VPS45: variants seen among roughly 807,000 people sequenced by gnomAD.
VPS45 encodes the protein vacuolar protein sorting-associated protein 45.
In VPS45, 35 loss-of-function variants were observed where a neutral mutation model predicts 75.9. The ratio of observed to expected loss-of-function variants is 0.46; its 90% CI spans 0.35 to 0.61. The LOEUF is 0.61. Among genes scored for constraint, VPS45 ranks in the 20% least tolerant of loss-of-function variants. VPS45 has a pLI of 0.00. For synonymous variants in VPS45, 220 were observed against 238.2 expected (o/e 0.92, Z 0.70); for missense variants, 559 against 685.9 (o/e 0.81, Z 2.07).
intron 10 of VPS45, chr1:150,083,395 G>C (rs1655829247): frequency 6.6e-6 from 1 of 152,174 alleles, no homozygotes; most frequent in Non-Finnish European, 1.5e-5. Context: ...CTGCTGTGAG[G>C]ATCTGAATAC....
intron 14 of VPS45, among the ~76,000 whole-genome samples, chr1:150,128,649 T>C (rs1658647001): frequency 6.6e-6 from 1 of 152,200 alleles, no homozygotes; most frequent in African/African-American, 2.4e-5. Context: ...TGACAGAATT[T>C]GCATTTCAAA....
intron 14 of VPS45, among the ~76,000 whole-genome samples, chr1:150,130,779 C>T (rs1241077842): frequency 6.6e-6 from 1 of 152,114 alleles, no homozygotes; most frequent in Non-Finnish European, 1.5e-5. Flanking sequence ...ATTTTACATA[C>T]ATCTTTAAAC....
chr1:150,126,055 C>G (rs147286419), intron 14 of VPS45, among the ~76,000 whole-genome samples: 13 of 152,130 alleles, frequency 8.5e-5, no homozygotes, highest in African/African-American at 3.1e-4. Context: ...TGGTCCCCAT[C>G]TCGGTGGGGA....
intron 14 of VPS45, among the ~76,000 whole-genome samples, chr1:150,133,850 C>T (rs1658946158): frequency 6.6e-6 from 1 of 152,158 alleles, no homozygotes. Context: ...GTAATTTTTT[C>T]CTTTCTCTTC....
chr1:150,116,569 T>C (rs1417387954), intron 14 of VPS45, among the ~76,000 whole-genome samples: 1 of 152,238 alleles, frequency 6.6e-6, no homozygotes, highest in East Asian at 1.9e-4. Flanking sequence ...TTAACCACTA[T>C]GCATTTCCTT....
At chr1:150,072,073 G>A (rs187770878) in intron 2 of VPS45, 93 bp from the exon 3 acceptor site, 33 of 1,035,604 alleles carry the variant, frequency 3.2e-5, no homozygotes, top group Admixed American at 1.6e-4. Context: ...TGCAGTAGAC[G>A]CAGTAAATAA....
chr1:150,110,764 G>T (rs1022442252), intron 14 of VPS45, 137 bp downstream of exon 14: 27 of 848,072 alleles, frequency 3.2e-5, no homozygotes, highest in Non-Finnish European at 4.4e-5. Flanking sequence ...TGCAGCTCCA[G>T]AATAATTTAA....
intron 2 of VPS45, among the ~76,000 whole-genome samples, chr1:150,070,553 G>GA (rs1401486740): frequency 2.0e-5 from 3 of 151,818 alleles, no homozygotes; most frequent in Non-Finnish European, 4.4e-5. Context: ...AGCACTTTGG[G>GA]AGGCCAAGGC....
chr1:150,098,903 T>C (rs782235865), intron 13 of VPS45: 2 of 1,260,960 alleles, frequency 1.6e-6, no homozygotes, highest in Non-Finnish European at 2.0e-6. Context: ...GGTGAGGAAA[T>C]GGAGCTATAT....
Position 150,132,522 on chromosome 1 carries a change from C to G in VPS45, c.1626-12187C>G, listed in dbSNP as rs587732301. On this transcript the variant is annotated intron_variant, in intron 14 of 14. Coordinates refer to ENST00000644510, the MANE Select transcript of VPS45 (RefSeq NM_007259.5). ...TCCAGTTGATTATATTCAACACAGC[C>G]CTGAGTTCCATTCCTCTGACAAAAC... is the stretch of plus-strand genomic sequence containing the variant. Among the ~76,000 whole-genome samples, 7 of 152,198 alleles carry G rather than the reference C, an allele frequency of 4.6e-5. No homozygotes were observed. In the East Asian group the frequency reaches 1.4e-3, roughly 29 times the overall value.
At chr1:150,132,673 C>T (rs1339855713) in intron 14 of VPS45, among the ~76,000 whole-genome samples, 1 of 152,140 alleles carries the variant, frequency 6.6e-6, no homozygotes, top group African/African-American at 2.4e-5. Context: ...TTTTAGTACC[C>T]TTTGGTCTTG....
intron 14 of VPS45, among the ~76,000 whole-genome samples, chr1:150,138,741 G>A (rs1553814516): frequency 6.6e-6 from 1 of 152,026 alleles, no homozygotes; most frequent in African/African-American, 2.4e-5. Flanking sequence ...CCAAACTCTG[G>A]ACTTGTATAT....
chr1:150,100,061 G>A (rs886633717), intron 13 of VPS45, among the ~76,000 whole-genome samples: 4 of 152,108 alleles, frequency 2.6e-5, no homozygotes, highest in African/African-American at 9.7e-5. Flanking sequence ...GTTTTTAGAC[G>A]ACATGATTCT....
intron 14 of VPS45, among the ~76,000 whole-genome samples, chr1:150,133,741 G>A (rs2101651978): frequency 6.6e-6 from 1 of 152,204 alleles, no homozygotes; most frequent in South Asian, 2.1e-4. Context: ...ATTCTCAGAT[G>A]ATAACTACCT....
At chr1:150,082,682 A>C in intron 9 of VPS45, 34 bp from the exon 10 acceptor site, 1 of 1,597,654 alleles carries the variant, frequency 6.3e-7, no homozygotes, top group Non-Finnish European at 8.5e-7. Flanking sequence ...TCAAAAAATA[A>C]CAGAACCTCC....
chr1:150,072,322 G>C, intron 3 of VPS45, 96 bp downstream of exon 3: 1 of 887,580 alleles, frequency 1.1e-6, no homozygotes, highest in East Asian at 2.7e-5. Context: ...CATTGAATCT[G>C]TCACTATAAA....
chr1:150,144,501 C>T (rs1430637458), intron 14 of VPS45, among the ~76,000 whole-genome samples: 1 of 151,860 alleles, frequency 6.6e-6, no homozygotes, highest in Non-Finnish European at 1.5e-5. Flanking sequence ...AAATGAAGAC[C>T]CTGGGGAAGA....
intron 13 of VPS45, among the ~76,000 whole-genome samples, chr1:150,105,641 A>T (rs1197304762): frequency 6.6e-6 from 1 of 152,212 alleles, no homozygotes; most frequent in Non-Finnish European, 1.5e-5. Flanking sequence ...AAAACATCCC[A>T]TGCTTATGGA....
At chr1:150,111,571 GAGA>G (rs1553807178) in intron 14 of VPS45, among the ~76,000 whole-genome samples, 1 of 152,162 alleles carries the variant, frequency 6.6e-6, no homozygotes, top group Non-Finnish European at 1.5e-5. Flanking sequence ...GAAAAGACTG[GAGA>G]ACCGTGACAT....
Sources: allele counts gnomAD v4.1 joint callset (sites outside exome capture counted in the v4.1 genomes callset), GRCh38; gene constraint gnomAD v4.1.1; transcripts MANE v1.5; gene names NCBI Gene and HGNC (gene_info 2026-07-23, HGNC 2026-07-21).